ST6GAL1: variants seen among roughly 807,000 people sequenced by gnomAD.
ST6GAL1 encodes the protein ST6 beta-galactoside alpha-2,6-sialyltransferase 1.
ST6GAL1 carries 20 observed loss-of-function variants against 38.0 expected under a neutral mutation model. The observed-to-expected ratio is 0.53, with a 90% CI of 0.37 to 0.77. The LOEUF is 0.77. Among genes scored for constraint, ST6GAL1 ranks in the 30% least tolerant of loss-of-function variants. ST6GAL1 has a pLI of 0.00. For missense variants in ST6GAL1, 432 were observed against 496.4 expected (o/e 0.87, Z 1.23); for synonymous variants, 196 against 188.2 (o/e 1.04, Z -0.34).
chr3:186,941,639 T>A (rs1356409411), intron 1 of ST6GAL1, among the ~76,000 whole-genome samples: 2 of 151,994 alleles, frequency 1.3e-5, no homozygotes, highest in Non-Finnish European at 2.9e-5. Flanking sequence ...AAGGAAGAAC[T>A]GACTTAACGG....
At chr3:186,991,051 TC>T (rs1449863299) in intron 2 of ST6GAL1, among the ~76,000 whole-genome samples, 5 of 152,306 alleles carry the variant, frequency 3.3e-5, no homozygotes, top group African/African-American at 1.2e-4. Context: ...CTGACTTTTT[TC>T]TTTTTCTCAT....
chr3:187,027,160 C>T (rs1717568814), intron 2 of ST6GAL1, among the ~76,000 whole-genome samples: 1 of 152,068 alleles, frequency 6.6e-6, no homozygotes, highest in Admixed American at 6.6e-5. Context: ...ATACAAGCCC[C>T]ATTTTAAAAA....
intron 2 of ST6GAL1, among the ~76,000 whole-genome samples, chr3:186,973,307 A>T (rs541401215): frequency 6.6e-6 from 1 of 152,120 alleles, no homozygotes; most frequent in Non-Finnish European, 1.5e-5. Context: ...AACTGCTGGG[A>T]TTACAGGCGT....
At chr3:187,045,907 G>A (rs563551265) in intron 4 of ST6GAL1, among the ~76,000 whole-genome samples, 1 of 152,198 alleles carries the variant, frequency 6.6e-6, no homozygotes, top group Non-Finnish European at 1.5e-5. Flanking sequence ...CTGTTTGGAC[G>A]GCATGTGGGT....
At chr3:186,980,036 G>A (rs1715642164) in intron 2 of ST6GAL1, among the ~76,000 whole-genome samples, 1 of 152,104 alleles carries the variant, frequency 6.6e-6, no homozygotes, top group African/African-American at 2.4e-5. Flanking sequence ...TTCCAGATAC[G>A]TAACTGAGGT....
chr3:187,061,404 G>A, intron 5 of ST6GAL1, among the ~76,000 whole-genome samples: 1 of 151,964 alleles, frequency 6.6e-6, no homozygotes, highest in Admixed American at 6.6e-5. Flanking sequence ...AAACCTCAAG[G>A]GACCCCGATT....
chr3:186,962,347 C>T (rs969318357), intron 1 of ST6GAL1, among the ~76,000 whole-genome samples: 2 of 152,172 alleles, frequency 1.3e-5, no homozygotes, highest in African/African-American at 4.8e-5. Context: ...TTCATGTACC[C>T]CTCTTTCCCA....
chr3:187,031,398 AG>A (rs1717745821), intron 2 of ST6GAL1, among the ~76,000 whole-genome samples: 1 of 151,960 alleles, frequency 6.6e-6, no homozygotes, highest in South Asian at 2.1e-4. Flanking sequence ...GTATCCACAG[AG>A]GAAGGGATGG....
intron 1 of ST6GAL1, 103 bp from the exon 2 acceptor site, chr3:186,963,682 G>A (rs905950752): frequency 1.3e-5 from 2 of 152,270 alleles, no homozygotes; most frequent in Non-Finnish European, 2.9e-5. Flanking sequence ...TGGCTGCCCC[G>A]GAGCTGGCAG....
At chr3:187,019,347 GAGT>G (rs1717218799) in intron 2 of ST6GAL1, among the ~76,000 whole-genome samples, 2 of 152,224 alleles carry the variant, frequency 1.3e-5, no homozygotes, top group Admixed American at 1.3e-4. Context: ...AGTCTCTATT[GAGT>G]AGCTCTATAG....
chr3:186,950,943 A>G (rs1053169505), intron 1 of ST6GAL1, among the ~76,000 whole-genome samples: 3 of 152,220 alleles, frequency 2.0e-5, no homozygotes, highest in South Asian at 2.1e-4. Context: ...GGCATGCTAT[A>G]TGCTTTACAA....
At chr3:186,984,118 C>G (rs551778279) in intron 2 of ST6GAL1, among the ~76,000 whole-genome samples, 4 of 151,972 alleles carry the variant, frequency 2.6e-5, no homozygotes, top group Admixed American at 2.6e-4. Flanking sequence ...GGGCTCCAAC[C>G]CTTGGAATCA....
At chr3:186,980,268 G>A (rs947475353) in intron 2 of ST6GAL1, among the ~76,000 whole-genome samples, 87 of 152,190 alleles carry the variant, frequency 5.7e-4, no homozygotes, top group African/African-American at 1.9e-3. Context: ...TGGATGCAGC[G>A]GGCACCCTGG....
chr3:187,074,450 A>G, intron 7 of ST6GAL1, 117 bp downstream of exon 7: 2 of 1,178,342 alleles, frequency 1.7e-6, no homozygotes. Flanking sequence ...AATTGCTAGG[A>G]TTCTGCTCTG....
intron 5 of ST6GAL1, among the ~76,000 whole-genome samples, chr3:187,058,378 G>A (rs1323377378): frequency 1.3e-5 from 2 of 152,154 alleles, no homozygotes; most frequent in Non-Finnish European, 2.9e-5. Flanking sequence ...CTTGTTTGTC[G>A]ATCGCGCTGG....
At chr3:186,956,810 T>C (rs1324827934) in intron 1 of ST6GAL1, among the ~76,000 whole-genome samples, 1 of 152,216 alleles carries the variant, frequency 6.6e-6, no homozygotes, top group Non-Finnish European at 1.5e-5. Flanking sequence ...GTCTCACTTT[T>C]CAATTTAAAA....
At chr3:186,958,961 A>T (rs1714839892) in intron 1 of ST6GAL1, among the ~76,000 whole-genome samples, 1 of 71,568 alleles carries the variant, frequency 1.4e-5, no homozygotes, top group Admixed American at 1.7e-4. Flanking sequence ...TCAAAAAAAA[A>T]AAAAAATTAA....
intron 2 of ST6GAL1, among the ~76,000 whole-genome samples, chr3:187,015,518 G>A (rs1434750572): frequency 6.6e-6 from 1 of 152,134 alleles, no homozygotes; most frequent in Non-Finnish European, 1.5e-5. Flanking sequence ...GGTCAAACAA[G>A]ATGATCATCT....
At chr3:187,009,680 A>G (rs1346706372) in intron 2 of ST6GAL1, among the ~76,000 whole-genome samples, 1 of 152,010 alleles carries the variant, frequency 6.6e-6, no homozygotes, top group Non-Finnish European at 1.5e-5. Flanking sequence ...ACTGTAAGAA[A>G]TGTTTATGAA....
Sources: gnomAD v4.1 joint callset for allele counts (sites outside exome capture counted in the v4.1 genomes callset) on GRCh38, gnomAD v4.1.1 for gene constraint, MANE v1.5 for transcripts, NCBI Gene and HGNC (gene_info 2026-07-23, HGNC 2026-07-21) for gene names.